ADORA1: variants seen among roughly 807,000 people sequenced by gnomAD.
The protein encoded by ADORA1 is adenosine receptor A1.
Under a neutral mutation model 19.9 loss-of-function variants are expected in ADORA1, and 6 were observed. The observed-to-expected ratio is 0.30, with a 90% CI of 0.17 to 0.59. ADORA1 has a LOEUF of 0.59. ADORA1 is among the 20% of genes least tolerant of loss of function. The pLI, the probability that ADORA1 is intolerant of heterozygous loss-of-function variation, is 0.87. For synonymous variants in ADORA1, 194 were observed against 188.4 expected, an observed-to-expected ratio of 1.03 and a Z score of -0.24; for missense variants, 302 against 439.2, an observed-to-expected ratio of 0.69 and a Z score of 2.79.
At chr1:203,137,692 T>A (rs189686088) in intron 3 of ADORA1, among the ~76,000 whole-genome samples, 1 of 152,304 alleles carries the variant, frequency 6.6e-6, no homozygotes, top group Non-Finnish European at 1.5e-5. Context: ...TTTTATCCAG[T>A]AAAGTGCATA....
At chr1:203,163,521 G>A (rs866022841) in intron 3 of ADORA1, among the ~76,000 whole-genome samples, 15 of 152,194 alleles carry the variant, frequency 9.9e-5, no homozygotes, top group African/African-American at 3.4e-4. Flanking sequence ...TGGTGGTGGT[G>A]GTTTGGGGCA....
At chr1:203,159,547 G>A (rs1485575609) in intron 3 of ADORA1, among the ~76,000 whole-genome samples, 1 of 152,034 alleles carries the variant, frequency 6.6e-6, no homozygotes, top group Non-Finnish European at 1.5e-5. Flanking sequence ...TTTGGCTCTC[G>A]GCTCATTTTC....
At chr1:203,162,152 G>A (rs1262584473) in intron 3 of ADORA1, among the ~76,000 whole-genome samples, 1 of 152,220 alleles carries the variant, frequency 6.6e-6, no homozygotes, top group Non-Finnish European at 1.5e-5. Context: ...CACGTGTAAG[G>A]ATAGGTGAGC....
chr1:203,130,502 G>A (rs1284624234), intron 3 of ADORA1, among the ~76,000 whole-genome samples: 1 of 152,184 alleles, frequency 6.6e-6, no homozygotes, highest in Non-Finnish European at 1.5e-5. Flanking sequence ...GGTTTTCCAG[G>A]GAAGGTGGGG....
chr1:203,150,945 GAGGC>G (rs1226608446), intron 3 of ADORA1, among the ~76,000 whole-genome samples: 1 of 152,186 alleles, frequency 6.6e-6, no homozygotes, highest in African/African-American at 2.4e-5. Flanking sequence ...CCTGGCTCAA[GAGGC>G]ACCTCCTCTT....
At position 203,141,523 on chromosome 1, in the gene ADORA1, G is replaced by C. The variant is rs545616016; in HGVS notation, c.341+12341G>C. On this transcript the variant is annotated intron_variant, in intron 3 of 3. Coordinates refer to ENST00000337894, the MANE Select transcript of ADORA1 (RefSeq NM_000674.3). Reference sequence around the variant, plus strand: ...ATGGTACCTCACCAGTGATTCTCTTGGGGGCAGGAGAGGGGACGGTCTGTT... The same window carrying C: ...ATGGTACCTCACCAGTGATTCTCTTCGGGGCAGGAGAGGGGACGGTCTGTT... Among the ~76,000 whole-genome samples, 9 of 151,772 alleles carry C rather than the reference G, an allele frequency of 5.9e-5. No individual in the cohort carries two copies. The East Asian group carries it at 1.7e-3, about 29-fold the overall frequency.
chr1:203,142,755 C>T (rs3766562), intron 3 of ADORA1, among the ~76,000 whole-genome samples: 10,795 of 152,170 alleles, frequency 0.071, 596 homozygotes, highest in East Asian at 0.33. Flanking sequence ...CTGATCCCCC[C>T]GTCTCCTGGA....
At chr1:203,162,672 A>T (rs775365630) in intron 3 of ADORA1, among the ~76,000 whole-genome samples, 5 of 152,166 alleles carry the variant, frequency 3.3e-5, no homozygotes, top group Non-Finnish European at 7.4e-5. Context: ...AACAACCCAC[A>T]GTCAGCCTGG....
intron 3 of ADORA1, among the ~76,000 whole-genome samples, chr1:203,142,042 A>C (rs1350245496): frequency 6.6e-6 from 1 of 152,134 alleles, no homozygotes; most frequent in Non-Finnish European, 1.5e-5. Context: ...GTTGTCTTGG[A>C]TAAGTTGCTT....
chr1:203,130,799 T>G (rs1024433453), intron 3 of ADORA1, among the ~76,000 whole-genome samples: 3 of 152,224 alleles, frequency 2.0e-5, no homozygotes, highest in South Asian at 4.1e-4. Context: ...CTACTTGCCC[T>G]GTGGGGCTGG....
chr1:203,135,590 A>G (rs924267882), intron 3 of ADORA1, among the ~76,000 whole-genome samples: 2 of 151,938 alleles, frequency 1.3e-5, no homozygotes, highest in African/African-American at 2.4e-5. Flanking sequence ...TCCAAGAGGC[A>G]GATGTTGCAG....
intron 3 of ADORA1, among the ~76,000 whole-genome samples, chr1:203,136,856 A>C (rs1654528059): frequency 6.6e-6 from 1 of 152,196 alleles, no homozygotes; most frequent in African/African-American, 2.4e-5. Flanking sequence ...CTCATTCATT[A>C]ATTCATTCAT....
intron 3 of ADORA1, among the ~76,000 whole-genome samples, chr1:203,157,542 C>A (rs1655234486): frequency 6.6e-6 from 1 of 152,204 alleles, no homozygotes; most frequent in Admixed American, 6.5e-5. Flanking sequence ...GGTGTCTGGG[C>A]AGTGGCCTCA....
At chr1:203,145,753 A>G (rs915950767) in intron 3 of ADORA1, among the ~76,000 whole-genome samples, 2 of 152,236 alleles carry the variant, frequency 1.3e-5, no homozygotes, top group African/African-American at 4.8e-5. Context: ...CTCCAGTTTC[A>G]GGGGCTCATT....
chr1:203,131,260 A>G (rs893170686), intron 3 of ADORA1, among the ~76,000 whole-genome samples: 4 of 152,350 alleles, frequency 2.6e-5, no homozygotes, highest in African/African-American at 7.2e-5. Flanking sequence ...ACACACGAAG[A>G]AACACGCACA....
At chr1:203,164,851 C>T (rs546803961) in intron 3 of ADORA1, among the ~76,000 whole-genome samples, 54 of 152,332 alleles carry the variant, frequency 3.5e-4, no homozygotes, top group Middle Eastern at 3.4e-3. Context: ...GTTTCCTCAT[C>T]TGCCAATTGG....
At chr1:203,162,107 C>T (rs1655390323) in intron 3 of ADORA1, among the ~76,000 whole-genome samples, 1 of 152,200 alleles carries the variant, frequency 6.6e-6, no homozygotes, top group African/African-American at 2.4e-5. Context: ...TTACCCCATG[C>T]GTGCCCCAGG....
chr1:203,142,735 A>G (rs555187552), intron 3 of ADORA1, among the ~76,000 whole-genome samples: 2 of 152,152 alleles, frequency 1.3e-5, no homozygotes, highest in African/African-American at 4.8e-5. Flanking sequence ...CAGGGTGTGA[A>G]TAGTTCCTCC....
At position 203,166,059 on chromosome 1, in the gene ADORA1, C is replaced by T. The variant is rs201014403; in HGVS notation, c.*159C>T. On this transcript the variant is annotated 3_prime_UTR_variant, in exon 4 of 4. Transcript: ENST00000337894. ...GAGATACCCACAGAGTGTGGTCCCT[C>T]CACTAGGAGTTAACTACCCTACACC... The T allele has an allele frequency of 1.4e-5, 14 of 989,968 alleles. No individual in the cohort carries two copies. Among genetic ancestry groups the T allele is most frequent in the Non-Finnish European group, 1.8e-5 (13 of 718,670 alleles). The allele number at this position is 989,968 out of a possible 1,614,324, so 61.3% of individuals were successfully genotyped here. A position where few individuals can be genotyped will look rare whatever the true frequency, so the allele number is the denominator to read the frequency against.
Sources: allele counts gnomAD v4.1 joint callset (sites outside exome capture counted in the v4.1 genomes callset), GRCh38; gene constraint gnomAD v4.1.1; transcripts MANE v1.5; gene names NCBI Gene and HGNC (gene_info 2026-07-23, HGNC 2026-07-21).